The following MAPRE3 variants were observed in gnomAD, a reference collection of about 807,000 sequenced individuals.
MAPRE3 encodes the protein microtubule associated protein RP/EB family member 3.
In MAPRE3, 2 loss-of-function variants were observed where a neutral mutation model predicts 30.5. That is an observed-to-expected ratio of 0.07 (90% CI 0.03 to 0.21). MAPRE3 has a LOEUF of 0.21. Among genes scored for constraint, MAPRE3 ranks in the 10% least tolerant of loss-of-function variants. The pLI, the probability that MAPRE3 is intolerant of heterozygous loss-of-function variation, is 1.00. For missense variants in MAPRE3, 204 were observed against 351.8 expected, an observed-to-expected ratio of 0.58 and a Z score of 3.36; for synonymous variants, 110 against 127.7, an observed-to-expected ratio of 0.86 and a Z score of 0.93.
At chr2:27,016,369 G>A (rs899443730) in intron 1 of MAPRE3, among the ~76,000 whole-genome samples, 9 of 150,368 alleles carry the variant, frequency 6.0e-5, no homozygotes, top group East Asian at 2.0e-4. Flanking sequence ...TAAGAGTTTC[G>A]TCAGGTTATG....
At chr2:26,992,189 A>C (rs2148206216) in intron 1 of MAPRE3, among the ~76,000 whole-genome samples, 1 of 152,224 alleles carries the variant, frequency 6.6e-6, no homozygotes, top group African/African-American at 2.4e-5. Flanking sequence ...ATTTTAGGAG[A>C]AGCGTAGTAC....
rs748849226 is a variant in MAPRE3, at chr2:27,023,837, G to T, written c.268-259G>T. ...GTGGCTGCAGACCCCCAGCCCACAC[G>T]CAGGCAGTAGAGCCAAGGGACGCCT... On this transcript the variant is annotated intron_variant, in intron 3 of 6. Coordinates refer to ENST00000233121, the MANE Select transcript of MAPRE3 (RefSeq NM_012326.4). 7.8e-6 allele frequency: 4 copies of T among 511,994 alleles called. No individual in the cohort carries two copies. The East Asian group carries it at 1.4e-4, about 18-fold the overall frequency. The allele number at this position is 511,994 out of a possible 1,614,324, so 31.7% of individuals were successfully genotyped here.
intron 1 of MAPRE3, among the ~76,000 whole-genome samples, chr2:27,007,182 C>A (rs992011983): frequency 2.0e-5 from 3 of 152,172 alleles, no homozygotes; most frequent in Non-Finnish European, 4.4e-5. Context: ...AAAGGTTCGT[C>A]TATATCTTGC....
chr2:26,980,951 A>G (rs553080022), intron 1 of MAPRE3, among the ~76,000 whole-genome samples: 4 of 152,304 alleles, frequency 2.6e-5, no homozygotes, highest in Non-Finnish European at 5.9e-5. Context: ...AGAAGAGGGC[A>G]TGGCTCTTTC....
chr2:26,996,524 C>T (rs1015835884), intron 1 of MAPRE3, among the ~76,000 whole-genome samples: 6 of 152,078 alleles, frequency 3.9e-5, no homozygotes, highest in African/African-American at 1.2e-4. Flanking sequence ...TCACCAGGGC[C>T]GGGCGCGGTG....
intron 1 of MAPRE3, among the ~76,000 whole-genome samples, chr2:27,021,816 ATTC>A (rs1667115517): frequency 6.6e-6 from 1 of 152,112 alleles, no homozygotes. Context: ...GAAAATTCCT[ATTC>A]TTCTCAGGCT....
chr2:27,006,390 A>G (rs1666729353), intron 1 of MAPRE3, among the ~76,000 whole-genome samples: 1 of 152,206 alleles, frequency 6.6e-6, no homozygotes, highest in South Asian at 2.1e-4. Context: ...CCCCTGTAAC[A>G]AAAGACAGAT....
At chr2:27,017,457 A>G (rs1370017730) in intron 1 of MAPRE3, among the ~76,000 whole-genome samples, 1 of 152,190 alleles carries the variant, frequency 6.6e-6, no homozygotes, top group African/African-American at 2.4e-5. Flanking sequence ...GTCAGACCGA[A>G]GGTATGGAAA....
At chr2:26,978,487 T>C (rs1239727732) in intron 1 of MAPRE3, among the ~76,000 whole-genome samples, 1 of 152,150 alleles carries the variant, frequency 6.6e-6, no homozygotes, top group East Asian at 1.9e-4. Flanking sequence ...GGACTCTGAT[T>C]TGGTCCTTGA....
At chr2:26,993,433 C>G (rs1666391081) in intron 1 of MAPRE3, among the ~76,000 whole-genome samples, 1 of 152,156 alleles carries the variant, frequency 6.6e-6, no homozygotes, top group Non-Finnish European at 1.5e-5. Flanking sequence ...GTTAAAGCTC[C>G]TTTCTTAACC....
intron 1 of MAPRE3, among the ~76,000 whole-genome samples, chr2:27,000,527 T>C (rs753756803): frequency 6.6e-6 from 1 of 152,106 alleles, no homozygotes; most frequent in Non-Finnish European, 1.5e-5. Flanking sequence ...AAGAAAGAGT[T>C]ACAAGGAAAA....
intron 1 of MAPRE3, among the ~76,000 whole-genome samples, chr2:26,997,520 A>C (rs1666490374): frequency 6.6e-6 from 1 of 152,116 alleles, no homozygotes; most frequent in African/African-American, 2.4e-5. Flanking sequence ...TCAAATGCAC[A>C]GTTCACAATA....
intron 1 of MAPRE3, among the ~76,000 whole-genome samples, chr2:26,992,360 G>A (rs1464424755): frequency 6.6e-6 from 1 of 150,744 alleles, no homozygotes; most frequent in Non-Finnish European, 1.5e-5. Context: ...CCAAGTAGCT[G>A]GGTTTACAGG....
chr2:26,978,478 G>T (rs1247856978), intron 1 of MAPRE3, among the ~76,000 whole-genome samples: 2 of 152,130 alleles, frequency 1.3e-5, no homozygotes, highest in Non-Finnish European at 2.9e-5. Flanking sequence ...ACTTACCTGG[G>T]ACTCTGATTT....
At position 27,025,942 on chromosome 2, in the gene MAPRE3, A is replaced by G; in HGVS notation, c.687A>G (p.Lys229=). The G allele has an allele frequency of 6.2e-7, 1 of 1,614,186 alleles. No homozygotes were observed. Among genetic ancestry groups the G allele is most frequent in the Non-Finnish European group, 8.5e-7 (1 of 1,180,018 alleles). The change falls in exon 6 of 7, where the codon AAA becomes AAG. Residue 229 remains lysine, a synonymous_variant. Transcript: ENST00000233121. ...LEKERDFYFS[K]LRDIELICQE... is the part of the protein sequence containing the mutation. ...AGGAACGTGACTTCTACTTCAGCAA[A>G]CTTCGTGACATCGAGCTCATCTGCC...
intron 1 of MAPRE3, among the ~76,000 whole-genome samples, chr2:26,994,058 C>G (rs1317716597): frequency 2.0e-5 from 3 of 152,156 alleles, no homozygotes; most frequent in Non-Finnish European, 4.4e-5. Context: ...TTTGCATTTG[C>G]CTACTTTGAA....
In MAPRE3 at chr2:27,025,565, C is replaced by A; in HGVS notation, c.470-18C>A. 6.5e-7 allele frequency: 1 copy of A among 1,549,762 alleles called. No homozygotes were observed. Among genetic ancestry groups the A allele is most frequent in the Admixed American group, 2.0e-5 (1 of 50,830 alleles). On this transcript the variant is annotated intron_variant, in intron 4 of 6. Coordinates refer to ENST00000233121, the MANE Select transcript of MAPRE3 (RefSeq NM_012326.4). ...TGTGGGCTCACGTGGACTTACCTGA[C>A]TCTTTTCCTCTGGGCAGTTCCACAG...
chr2:26,983,363 C>T (rs568999965), intron 1 of MAPRE3, among the ~76,000 whole-genome samples: 80 of 152,302 alleles, frequency 5.3e-4, no homozygotes, highest in African/African-American at 1.8e-3. Context: ...CCAAGTACTG[C>T]TCTGCTTCCC....
At chr2:27,017,863 T>TAC (rs1403922559) in intron 1 of MAPRE3, among the ~76,000 whole-genome samples, 1 of 151,946 alleles carries the variant, frequency 6.6e-6, no homozygotes, top group African/African-American at 2.4e-5. Flanking sequence ...TAATATATCA[T>TAC]ACACACACAC....
Sources: gnomAD v4.1 joint callset for allele counts (sites outside exome capture counted in the v4.1 genomes callset) on GRCh38, gnomAD v4.1.1 for gene constraint, MANE v1.5 for transcripts, NCBI Gene and HGNC (gene_info 2026-07-23, HGNC 2026-07-21) for gene names.